The following PIP5K1B variants were observed in gnomAD, a reference collection of about 807,000 sequenced individuals.
The protein encoded by PIP5K1B is phosphatidylinositol 4-phosphate 5-kinase type-1 beta.
In PIP5K1B, 42 loss-of-function variants were observed where a neutral mutation model predicts 67.0. The observed-to-expected ratio is 0.63, with a 90% CI of 0.49 to 0.81. The LOEUF (loss-of-function observed/expected upper bound fraction) is 0.81. Among genes scored for constraint, PIP5K1B ranks in the 30% least tolerant of loss-of-function variants. The pLI is 0.00. For missense variants in PIP5K1B, 459 were observed against 646.3 expected, an observed-to-expected ratio of 0.71 and a Z score of 3.14; for synonymous variants, 214 against 231.4, an observed-to-expected ratio of 0.92 and a Z score of 0.68.
chr9:68,901,194 T>G (rs914850638), intron 8 of PIP5K1B, among the ~76,000 whole-genome samples: 6 of 152,210 alleles, frequency 3.9e-5, no homozygotes, highest in African/African-American at 1.4e-4. Context: ...GTTTTTAGAC[T>G]TCAATCAAAA....
intron 4 of PIP5K1B, among the ~76,000 whole-genome samples, chr9:68,854,732 A>G (rs1822683119): frequency 6.6e-6 from 1 of 152,234 alleles, no homozygotes; most frequent in South Asian, 2.1e-4. Context: ...ATCCCAATAT[A>G]TAAAACATAA....
At chr9:68,909,279 G>GTTTT (rs1228323949) in intron 8 of PIP5K1B, among the ~76,000 whole-genome samples, 1 of 149,214 alleles carries the variant, frequency 6.7e-6, no homozygotes, top group Non-Finnish European at 1.5e-5. Flanking sequence ...GCCAATCTAG[G>GTTTT]TTTTTTTGTT....
chr9:68,881,705 A>G (rs1177442180), intron 6 of PIP5K1B, among the ~76,000 whole-genome samples: 1 of 152,232 alleles, frequency 6.6e-6, no homozygotes, highest in African/African-American at 2.4e-5. Flanking sequence ...GTGAGACAGT[A>G]TGGTGAAGGG....
intron 8 of PIP5K1B, among the ~76,000 whole-genome samples, chr9:68,908,502 A>G (rs918240038): frequency 6.6e-6 from 1 of 151,890 alleles, no homozygotes; most frequent in African/African-American, 2.4e-5. Flanking sequence ...CGGCATACAC[A>G]CCATGAAAAA....
rs1160912727 is a variant in PIP5K1B, at chr9:68,718,024, TC to T, written c.-243+12267del. Among the ~76,000 whole-genome samples the T allele has an allele frequency of 4.6e-5, 7 of 152,248 alleles. No individual in the cohort carries two copies. The South Asian group carries it at 1.2e-3, about 27-fold the overall frequency. ...TAGAAAGCATGAGTGCAATCTGCCA[TC>T]CCCCTGGCACTGCCTATGATGTGTG... On this transcript the variant is annotated intron_variant, in intron 1 of 15. Transcript: ENST00000265382.
intron 1 of PIP5K1B, among the ~76,000 whole-genome samples, chr9:68,718,596 C>G (rs1246943237): frequency 1.3e-5 from 2 of 152,166 alleles, no homozygotes; most frequent in Non-Finnish European, 2.9e-5. Flanking sequence ...AAAACATTTC[C>G]TGATTGCTTG....
chr9:68,774,690 T>C (rs1564124179), intron 2 of PIP5K1B, among the ~76,000 whole-genome samples: 1 of 152,184 alleles, frequency 6.6e-6, no homozygotes, highest in Non-Finnish European at 1.5e-5. Flanking sequence ...ATAGTCCCCC[T>C]CATCCAAGGG....
At chr9:68,780,245 C>T (rs779744200) in intron 2 of PIP5K1B, 2 of 1,542,440 alleles carry the variant, frequency 1.3e-6, no homozygotes, top group Middle Eastern at 1.9e-4. Context: ...GTGGCAGCGG[C>T]GGCGGCGGGG....
chr9:68,857,871 A>G (rs1349281815), intron 4 of PIP5K1B, among the ~76,000 whole-genome samples: 1 of 152,136 alleles, frequency 6.6e-6, no homozygotes, highest in East Asian at 1.9e-4. Context: ...GTTACCGAAG[A>G]GGAATGAAGG....
At chr9:68,756,146 C>CCCTAAATA (rs1223730739) in intron 2 of PIP5K1B, among the ~76,000 whole-genome samples, 1 of 152,156 alleles carries the variant, frequency 6.6e-6, no homozygotes, top group Non-Finnish European at 1.5e-5. Flanking sequence ...GGGCCTTTGG[C>CCCTAAATA]CATGTGTTAT....
In PIP5K1B at chr9:68,810,888, A is replaced by C. The variant is rs1434179084; in HGVS notation, c.-85-7573A>C. Reference sequence around the variant, plus strand: ...ACTTACAAATTGAAAAATGCGGTGCAATATTGATTAGACAATCTTCTCATT... The same window carrying C: ...ACTTACAAATTGAAAAATGCGGTGCCATATTGATTAGACAATCTTCTCATT... On this transcript the variant is annotated intron_variant, in intron 2 of 15. Coordinates refer to ENST00000265382, the MANE Select transcript of PIP5K1B (RefSeq NM_003558.4). Among the ~76,000 whole-genome samples the C allele has an allele frequency of 1.2e-4, 18 of 152,242 alleles. 1 individual carries two copies. Among genetic ancestry groups the C allele is most frequent in the Non-Finnish European group, 4.4e-5 (3 of 68,048 alleles).
chr9:68,801,896 C>T (rs1280271632), intron 2 of PIP5K1B, among the ~76,000 whole-genome samples: 2 of 152,174 alleles, frequency 1.3e-5, no homozygotes, highest in African/African-American at 2.4e-5. Context: ...TTGTGCCAGT[C>T]TGGAAACAGG....
intron 2 of PIP5K1B, among the ~76,000 whole-genome samples, chr9:68,754,977 CTCTATG>C (rs1426698657): frequency 6.6e-6 from 1 of 152,150 alleles, no homozygotes; most frequent in Non-Finnish European, 1.5e-5. Flanking sequence ...TTACCTGGAA[CTCTATG>C]TCTAAACAGT....
At chr9:68,890,277 G>A (rs768337786) in intron 7 of PIP5K1B, among the ~76,000 whole-genome samples, 4 of 152,124 alleles carry the variant, frequency 2.6e-5, no homozygotes, top group Admixed American at 1.3e-4. Flanking sequence ...TTTACTACAC[G>A]TTTACTCCAA....
intron 1 of PIP5K1B, among the ~76,000 whole-genome samples, chr9:68,736,118 T>G (rs1164829184): frequency 6.6e-6 from 1 of 152,142 alleles, no homozygotes; most frequent in Non-Finnish European, 1.5e-5. Context: ...GGAGTTGGGC[T>G]ATAGAGGTCC....
chr9:68,775,333 A>G (rs934328879), intron 2 of PIP5K1B, among the ~76,000 whole-genome samples: 1 of 152,158 alleles, frequency 6.6e-6, no homozygotes, highest in Admixed American at 6.5e-5. Flanking sequence ...CAATCTCAGC[A>G]TATTTTTTTT....
intron 15 of PIP5K1B, among the ~76,000 whole-genome samples, chr9:69,002,158 A>C (rs937154307): frequency 3.9e-5 from 6 of 152,166 alleles, no homozygotes; most frequent in African/African-American, 1.4e-4. Context: ...TTCAACCAAC[A>C]GTCTACCAGA....
chr9:68,886,108 G>A lies in PIP5K1B; in HGVS notation c.319-2873G>A, dbSNP rs12350474. ...GCAGGAGAAGGGTGTGAACCCGGGA[G>A]GCGGAGCTTGCAGTGAGCCGAGATT... is the stretch of plus-strand genomic sequence containing the variant. On this transcript the variant is annotated intron_variant, in intron 6 of 15. Transcript: ENST00000265382. Among the ~76,000 whole-genome samples the A allele has an allele frequency of 2.4e-3, 366 of 152,216 alleles. 3 individuals are homozygous for A. Among genetic ancestry groups the A allele is most frequent in the African/African-American group, 8.5e-3 (354 of 41,526 alleles).
At position 68,947,487 on chromosome 9, in the gene PIP5K1B, T is replaced by C. The variant is rs1827856548; in HGVS notation, c.1502+6697T>C. Among the ~76,000 whole-genome samples, 8 of 152,176 alleles carry C rather than the reference T, an allele frequency of 5.3e-5. No homozygotes were observed. In the South Asian group the frequency reaches 1.7e-3, roughly 32 times the overall value. On this transcript the variant is annotated intron_variant, in intron 14 of 15. Coordinates refer to ENST00000265382, the MANE Select transcript of PIP5K1B (RefSeq NM_003558.4). The stretch of plus-strand genomic sequence containing the variant: ...ACCTAGTCAAGAGGCCTATGGGATA[T>C]CGTTTGCAACTCTGGGCCCCAGCAT...
Sources: gnomAD v4.1 joint callset for allele counts (sites outside exome capture counted in the v4.1 genomes callset) on GRCh38, gnomAD v4.1.1 for gene constraint, MANE v1.5 for transcripts, NCBI Gene and HGNC (gene_info 2026-07-23, HGNC 2026-07-21) for gene names.